RANBP1: variants seen among roughly 807,000 people sequenced by gnomAD.
RANBP1 encodes the protein RAN binding protein 1.
RANBP1 carries 16 observed loss-of-function variants against 31.4 expected under a neutral mutation model. The ratio of observed to expected loss-of-function variants is 0.51; its 90% confidence interval spans 0.34 to 0.77. RANBP1 has a LOEUF of 0.77. Among genes scored for constraint, RANBP1 ranks in the 30% least tolerant of loss-of-function variants. RANBP1 has a pLI of 0.01. For synonymous variants in RANBP1, 129 were observed against 140.5 expected, an observed-to-expected ratio of 0.92 and a Z score of 0.58; for missense variants, 265 against 362.0, an observed-to-expected ratio of 0.73 and a Z score of 2.17.
chr22:20,123,903 C>CG (rs981168630), intron 3 of RANBP1, among the ~76,000 whole-genome samples: 2 of 152,034 alleles, frequency 1.3e-5, no homozygotes, highest in African/African-American at 4.8e-5. Flanking sequence ...GCGTGTCCGG[C>CG]GGGGCAGGGT....
chr22:20,126,891 A>AG (rs2050312232), intron 5 of RANBP1, 61 bp from the exon 6 acceptor site: 1 of 1,574,232 alleles, frequency 6.4e-7, no homozygotes, highest in Non-Finnish European at 8.7e-7. Flanking sequence ...CAGCCTGGCG[A>AG]GGGCCATGTG....
chr22:20,122,190 T>A, intron 2 of RANBP1, 74 bp from the exon 3 acceptor site: 1 of 1,535,394 alleles, frequency 6.5e-7, no homozygotes, highest in Non-Finnish European at 8.9e-7. Flanking sequence ...TGCAGAGTTG[T>A]CCTGTGTCCT....
At chr22:20,122,214 T>C (rs778563066) in intron 2 of RANBP1, 50 bp from the exon 3 acceptor site, 1 of 1,593,034 alleles carries the variant, frequency 6.3e-7, no homozygotes, top group Admixed American at 1.7e-5. Flanking sequence ...GCGCAGGCCC[T>C]GCATGTGGGC....
At chr22:20,117,449 A>C (rs1390290314) in intron 1 of RANBP1, 7 of 1,192,640 alleles carry the variant, frequency 5.9e-6, no homozygotes, top group Non-Finnish European at 6.2e-6. Flanking sequence ...GAGCCAATAA[A>C]GCTGTACTGG....
At chr22:20,116,939 G>A (rs1387318461) in intron 1 of RANBP1, 1 of 1,578,290 alleles carries the variant, frequency 6.3e-7, no homozygotes, top group Non-Finnish European at 8.6e-7. Flanking sequence ...GACCAGGGAC[G>A]CCATGGGGGC....
Position 20,119,156 on chromosome 22 carries a change from A to G in RANBP1, c.383+7A>G, listed in dbSNP as rs1374692246. The G allele has an allele frequency of 6.2e-7, 1 of 1,611,278 alleles. No individual in the cohort carries two copies. On this transcript the variant is annotated splice_region_variant and intron_variant, in intron 2 of 5. Transcript: ENST00000430524. ...AAGAGGAACTTTTTAAAATGTAAGT[A>G]GGCTGATGTCCCAGAAATAGGACTC...
At chr22:20,120,423 G>A (rs943260687) in intron 2 of RANBP1, among the ~76,000 whole-genome samples, 20 of 152,170 alleles carry the variant, frequency 1.3e-4, no homozygotes, top group African/African-American at 4.8e-4. Flanking sequence ...GGTGGCCTGG[G>A]CCCAGGCCCT....
At chr22:20,122,875 GTGTGTGGTGTCTGGGGCAGGGGGC>G (rs1232364321) in intron 3 of RANBP1, among the ~76,000 whole-genome samples, 1 of 145,872 alleles carries the variant, frequency 6.9e-6, no homozygotes, top group Non-Finnish European at 1.5e-5. Context: ...GTGGTTCGGT[GTGTGTGGTGTCTGGGGCAGGGGGC>G]TGTGTGGTGT....
rs1243703980 is a variant in RANBP1, at chr22:20,117,672, C to G, written c.246+1242C>G. Reference sequence around the variant, plus strand: ...CCCATGGCGGCCGCCAAGGTGCCGCCGGGCCCAAGCGGGGACAGGGTGGGC... The same window carrying G: ...CCCATGGCGGCCGCCAAGGTGCCGCGGGGCCCAAGCGGGGACAGGGTGGGC... On this transcript the variant is annotated intron_variant, in intron 1 of 5. Transcript: ENST00000430524. The G allele has an allele frequency of 1.1e-4, 63 of 583,432 alleles. No individual in the cohort carries two copies. In the East Asian group the frequency reaches 7.7e-3, roughly 71 times the overall value. The allele number at this position is 583,432 out of a possible 1,614,324, so 36.1% of individuals were successfully genotyped here.
At chr22:20,118,487 A>G (rs1173953366) in intron 1 of RANBP1, among the ~76,000 whole-genome samples, 1 of 152,260 alleles carries the variant, frequency 6.6e-6, no homozygotes, top group African/African-American at 2.4e-5. Flanking sequence ...AAATACTAGC[A>G]GTCCTGTAGC....
chr22:20,126,376 G>A lies in RANBP1; in HGVS notation c.736+8G>A. ...AAGAGAGAGAAAAGAAAGGTGACGT[G>A]GTGCCATGGGTTGGGGGGCTTCTTT... is the stretch of plus-strand genomic sequence containing the variant. On this transcript the variant is annotated splice_region_variant and intron_variant, in intron 5 of 5. Transcript: ENST00000430524. 2 of 1,613,994 alleles carry A rather than the reference G, an allele frequency of 1.2e-6. No homozygotes were observed. The highest frequency in any genetic ancestry group is 1.3e-5 in the African/African-American group (1 of 75,052).
At chr22:20,124,999 G>C in intron 3 of RANBP1, 1 of 360,602 alleles carries the variant, frequency 2.8e-6, no homozygotes, top group South Asian at 2.6e-5. Flanking sequence ...GTGGGGGTCT[G>C]TGTGCCAAGT....
chr22:20,119,938 A>G (rs1210235600), intron 2 of RANBP1, among the ~76,000 whole-genome samples: 1 of 152,280 alleles, frequency 6.6e-6, no homozygotes, highest in Non-Finnish European at 1.5e-5. Flanking sequence ...AGAGCTGGCT[A>G]CAGTGGTGGG....
chr22:20,116,803 A>T, intron 1 of RANBP1: 2 of 1,446,954 alleles, frequency 1.4e-6, no homozygotes, highest in South Asian at 2.5e-5. Flanking sequence ...GTCCCCACCT[A>T]TTCTCTGGCA....
intron 1 of RANBP1, chr22:20,117,987 C>G (rs1025649938): frequency 1.0e-6 from 1 of 999,054 alleles, no homozygotes; most frequent in African/African-American, 1.7e-5. Context: ...CGGGTTTCCT[C>G]CGGCTCGGCC....
At chr22:20,121,801 C>T (rs574924952) in intron 2 of RANBP1, among the ~76,000 whole-genome samples, 229 of 151,996 alleles carry the variant, frequency 1.5e-3, no homozygotes, top group African/African-American at 5.4e-3. Context: ...AGCAGTGGGG[C>T]AATCTCCACT....
chr22:20,126,811 C>T (rs950061596), intron 5 of RANBP1, 141 bp from the exon 6 acceptor site: 27 of 1,346,886 alleles, frequency 2.0e-5, no homozygotes, highest in Admixed American at 4.4e-5. Flanking sequence ...CTCCAGGAGG[C>T]GGCTTGGCCA....
chr22:20,125,682 C>T, intron 4 of RANBP1: 5 of 1,370,380 alleles, frequency 3.6e-6, no homozygotes, highest in Non-Finnish European at 3.8e-6. Context: ...GCTCAGCCGC[C>T]TTGTGGCTGG....
In RANBP1 at chr22:20,116,440, T is replaced by A. The variant is rs760550164; in HGVS notation, c.246+10T>A. 3 of 1,612,576 alleles carry A rather than the reference T, an allele frequency of 1.9e-6. No individual in the cohort carries two copies. ...TTTAAAGATCTCAGAGGTAAACAAG[T>A]CATCCCTGATGTAGCTGTAGAGCCC... On this transcript the variant is annotated intron_variant, in intron 1 of 5. Coordinates refer to ENST00000430524, the MANE Select transcript of RANBP1 (RefSeq NM_001278639.2).
Sources: allele counts gnomAD v4.1 joint callset (sites outside exome capture counted in the v4.1 genomes callset), GRCh38; gene constraint gnomAD v4.1.1; transcripts MANE v1.5; gene names NCBI Gene and HGNC (gene_info 2026-07-23, HGNC 2026-07-21).